The following ZC3H15 variants were observed in gnomAD, a reference collection of about 807,000 sequenced individuals.
ZC3H15 encodes zinc finger CCCH-type containing 15.
Under a neutral mutation model 51.2 loss-of-function variants are expected in ZC3H15, and 15 were observed. The ratio of observed to expected loss-of-function variants is 0.29; its 90% CI spans 0.20 to 0.45. The LOEUF is 0.45. Among genes scored for constraint, ZC3H15 ranks in the 20% least tolerant of loss-of-function variants. The pLI, the probability that ZC3H15 is intolerant of heterozygous loss-of-function variation, is 1.00. For synonymous variants in ZC3H15, 144 were observed against 162.8 expected, an observed-to-expected ratio of 0.88 and a Z score of 0.88; for missense variants, 381 against 494.7, an observed-to-expected ratio of 0.77 and a Z score of 2.18.
intron 6 of ZC3H15, chr2:186,505,060 A>G (rs1200947017): frequency 6.8e-6 from 1 of 146,078 alleles, no homozygotes; most frequent in Non-Finnish European, 1.5e-5. Context: ...CCTGAGGAGT[A>G]GGTGTTTGTT....
At chr2:186,493,822 C>T (rs1468760270) in intron 1 of ZC3H15, among the ~76,000 whole-genome samples, 1 of 150,190 alleles carries the variant, frequency 6.7e-6, no homozygotes, top group Non-Finnish European at 1.5e-5. Context: ...TCACTTTGTG[C>T]CTGTGTGGTC....
intron 1 of ZC3H15, chr2:186,486,790 A>G (rs1165182273): frequency 2.0e-5 from 6 of 295,284 alleles, no homozygotes; most frequent in Non-Finnish European, 3.8e-5. Flanking sequence ...TTCCAAGGTT[A>G]TGTGTGAAGA....
chr2:186,486,281 G>T lies in ZC3H15; in HGVS notation c.-102G>T. The T allele has an allele frequency of 7.9e-7, 1 of 1,268,660 alleles. No homozygotes were observed. The highest frequency in any genetic ancestry group is 1.0e-6 in the Non-Finnish European group (1 of 961,494). The allele number at this position is 1,268,660 out of a possible 1,614,324, so 78.6% of individuals were successfully genotyped here. ...GAGCGACTCGCTTTCCGTGCGGTGCGGCGAGTGAGGCCCCGGTCTTCCTCC... is the reference window on the plus strand; with the variant it reads ...GAGCGACTCGCTTTCCGTGCGGTGCTGCGAGTGAGGCCCCGGTCTTCCTCC... On this transcript the variant is annotated 5_prime_UTR_variant, in exon 1 of 10. Transcript: ENST00000337859.
At chr2:186,506,302 G>C (rs2119865) in intron 8 of ZC3H15, among the ~76,000 whole-genome samples, 100,796 of 152,046 alleles carry the variant, frequency 0.66, 33,718 homozygotes, top group Non-Finnish European at 0.71. Flanking sequence ...ACTTACTGTT[G>C]ATTTTTTGTG....
At chr2:186,500,133 C>G (rs1323934829) in intron 2 of ZC3H15, 49 bp from the exon 3 acceptor site, 1 of 1,529,026 alleles carries the variant, frequency 6.5e-7, no homozygotes, top group Non-Finnish European at 8.8e-7. Context: ...GTAGTAAAAA[C>G]AATTTTGTAA....
Position 186,501,422 on chromosome 2 carries a change from A to G in ZC3H15, c.439A>G (p.Lys147Glu), listed in dbSNP as rs760020130. The change falls in exon 4 of 10, where the codon AAA (lysine) becomes GAA (glutamate). Residue 147 changes from lysine (K) to glutamate (E), a missense_variant. Lys to Glu is a moderately conservative substitution (Grantham distance 56, BLOSUM62 1). This residue lies in a region of ZC3H15 where 125 missense variants were observed against 166.3 expected (regional missense o/e 0.75). Transcript: ENST00000337859. ...TGATGCAAGAGATGAAGAACTTGAA[A>G]AAGGTAATTTTTTTAAAAACACTCT... ...YIDARDEELEKDTMDNWDEKK... is the reference protein window; with the variant it reads ...YIDARDEELEEDTMDNWDEKK... 3.1e-6 allele frequency: 5 copies of G among 1,605,294 alleles called. No homozygotes were observed. Among genetic ancestry groups the G allele is most frequent in the Admixed American group, 3.5e-5 (2 of 57,676 alleles).
At position 186,502,560 on chromosome 2, in the gene ZC3H15, G is replaced by A. The variant is rs376370244; in HGVS notation, c.507G>A (p.Ala169=). The change falls in exon 5 of 10, where the codon GCG becomes GCA. Residue 169 remains alanine, a synonymous_variant. Coordinates refer to ENST00000337859, the MANE Select transcript of ZC3H15 (RefSeq NM_018471.3). ...EEVVNKKHGE[A]EKKKPKTQIV... ...TAGTGAACAAGAAGCACGGTGAGGC[G>A]GAAAAGAAAAAACCAAAAACTCAAA... The A allele has an allele frequency of 2.5e-6, 4 of 1,612,044 alleles. No homozygotes were observed. Among genetic ancestry groups the A allele is most frequent in the Non-Finnish European group, 1.7e-6 (2 of 1,178,986 alleles).
At chr2:186,501,473 C>A (rs373302711) in intron 4 of ZC3H15, 48 bp downstream of exon 4, 10 of 1,474,598 alleles carry the variant, frequency 6.8e-6, no homozygotes, top group Non-Finnish European at 9.3e-6. Context: ...TGAATACTTT[C>A]GGTTTGCTAC....
chr2:186,491,972 C>G (rs913193214), intron 1 of ZC3H15, among the ~76,000 whole-genome samples: 2 of 151,864 alleles, frequency 1.3e-5, no homozygotes, highest in South Asian at 2.1e-4. Context: ...CTTCTGGGAT[C>G]GGGAGTTTAT....
At chr2:186,486,679 C>G (rs2105582522) in intron 1 of ZC3H15, among the ~76,000 whole-genome samples, 1 of 152,350 alleles carries the variant, frequency 6.6e-6, no homozygotes, top group Middle Eastern at 3.4e-3. Flanking sequence ...TCTCCGCCCA[C>G]ACGCCCGTGT....
intron 2 of ZC3H15, chr2:186,497,020 T>C: frequency 3.0e-6 from 1 of 338,308 alleles, no homozygotes; most frequent in Non-Finnish European, 5.7e-6. Flanking sequence ...AATTTTAAAA[T>C]GAGTTTATCC....
chr2:186,503,900 T>G, intron 5 of ZC3H15, 132 bp from the exon 6 acceptor site: 1 of 636,852 alleles, frequency 1.6e-6, no homozygotes, highest in East Asian at 3.1e-5. Flanking sequence ...AGCACCCTTA[T>G]GTGCAGAAAT....
chr2:186,494,299 A>G (rs957256562), intron 1 of ZC3H15, among the ~76,000 whole-genome samples: 1 of 152,198 alleles, frequency 6.6e-6, no homozygotes, highest in Non-Finnish European at 1.5e-5. Context: ...CTAGGAATGT[A>G]TACATTTCAG....
At chr2:186,490,828 T>C (rs1685185826) in intron 1 of ZC3H15, among the ~76,000 whole-genome samples, 1 of 152,216 alleles carries the variant, frequency 6.6e-6, no homozygotes, top group Non-Finnish European at 1.5e-5. Context: ...CATCCTTTTC[T>C]TTCGAGACTC....
chr2:186,496,362 C>A (rs1301393879), intron 2 of ZC3H15, among the ~76,000 whole-genome samples: 1 of 152,166 alleles, frequency 6.6e-6, no homozygotes, highest in Non-Finnish European at 1.5e-5. Context: ...GGACTACAGG[C>A]GCATGACACC....
intron 5 of ZC3H15, among the ~76,000 whole-genome samples, chr2:186,503,253 A>T (rs1026234170): frequency 2.0e-5 from 3 of 152,148 alleles, no homozygotes; most frequent in African/African-American, 7.2e-5. Flanking sequence ...CTTAAATACA[A>T]TTGTATCTTC....
chr2:186,505,518 A>G lies in ZC3H15; in HGVS notation c.785A>G (p.Lys262Arg). 6.2e-7 allele frequency: 1 copy of G among 1,602,498 alleles called. No individual in the cohort carries two copies. The highest frequency in any genetic ancestry group is 8.5e-7 in the Non-Finnish European group (1 of 1,176,870). ...TCTTTTCTTGCCTGGAAGAAAAGGAAAAGACAAGAAAAGATTGATAAACTT... is the reference window on the plus strand; with the variant it reads ...TCTTTTCTTGCCTGGAAGAAAAGGAGAAGACAAGAAAAGATTGATAAACTT... ...LESFLAWKKR[K>R]RQEKIDKLEQ... Residue 262 changes from lysine to arginine, a missense_variant, in exon 7 of 10, where the codon AAA becomes AGA. Coordinates refer to ENST00000337859, the MANE Select transcript of ZC3H15 (RefSeq NM_018471.3).
rs1685264046 is a variant in ZC3H15, at chr2:186,495,245, G to A, written c.88G>A (p.Gly30Ser). 2 of 1,542,008 alleles carry A rather than the reference G, an allele frequency of 1.3e-6. No homozygotes were observed. Among genetic ancestry groups the A allele is most frequent in the African/African-American group, 1.4e-5 (1 of 70,980 alleles). ...KEKIIEDKTF[G>S]LKNKKGAKQQ... is the part of the protein sequence containing the mutation. ...CTTTCTCATGTAGGACAAAACTTTC[G>A]GTTTGAAGAATAAGAAAGGAGCAAA... is the stretch of plus-strand genomic sequence containing the variant. The change falls in exon 2 of 10, where the codon GGT becomes AGT. Residue 30 changes from glycine to serine, a missense_variant. Around this residue, in one of 3 missense-constraint regions of ZC3H15, gnomAD observed 125 missense variants for 166.3 expected, o/e 0.75. Coordinates refer to ENST00000337859, the MANE Select transcript of ZC3H15 (RefSeq NM_018471.3).
chr2:186,494,905 A>G (rs575292807), intron 1 of ZC3H15, among the ~76,000 whole-genome samples: 2 of 152,260 alleles, frequency 1.3e-5, no homozygotes, highest in African/African-American at 2.4e-5. Flanking sequence ...AACATGGCAC[A>G]TGTATACATA....
Sources: allele counts gnomAD v4.1 joint callset (sites outside exome capture counted in the v4.1 genomes callset), GRCh38; gene constraint gnomAD v4.1.1; regional missense constraint gnomAD v4.1.1; transcripts MANE v1.5; gene names NCBI Gene and HGNC (gene_info 2026-07-23, HGNC 2026-07-21).